Variants in PLCB4 observed in about 807,000 individuals in gnomAD.
The protein encoded by PLCB4 is 1-phosphatidylinositol 4,5-bisphosphate phosphodiesterase beta-4.
In PLCB4, 77 loss-of-function variants were observed where a neutral mutation model predicts 178.8. That is an observed-to-expected ratio of 0.43 (90% confidence interval 0.36 to 0.52). The LOEUF is 0.52. Among genes scored for constraint, PLCB4 ranks in the 20% least tolerant of loss-of-function variants. The probability of loss-of-function intolerance (pLI) is 0.00; values close to 1 mark genes in which losing one functional copy is unlikely to be tolerated. For synonymous variants in PLCB4, 496 were observed against 490.8 expected (o/e 1.01, Z -0.14); for missense variants, 1,024 against 1,453.4 (o/e 0.70, Z 4.80).
At chr20:9,407,555 G>A (rs906641871) in intron 21 of PLCB4, among the ~76,000 whole-genome samples, 4 of 152,192 alleles carry the variant, frequency 2.6e-5, no homozygotes, top group Admixed American at 1.3e-4. Context: ...ATTTTTAGTA[G>A]AGATGGGGTT....
At chr20:9,159,811 A>C (rs1010933304) in intron 2 of PLCB4, among the ~76,000 whole-genome samples, 1 of 152,200 alleles carries the variant, frequency 6.6e-6, no homozygotes, top group African/African-American at 2.4e-5. Flanking sequence ...TATTATATTT[A>C]AATATTAAAC....
At chr20:9,464,833 A>G (rs1012042413) in intron 35 of PLCB4, among the ~76,000 whole-genome samples, 2 of 152,206 alleles carry the variant, frequency 1.3e-5, no homozygotes, top group Non-Finnish European at 2.9e-5. Flanking sequence ...ACAGATTCAC[A>G]GCCGAATTCT....
At chr20:9,457,241 T>C (rs969532684) in intron 33 of PLCB4, among the ~76,000 whole-genome samples, 173 bp from the exon 34 acceptor site, 1 of 152,206 alleles carries the variant, frequency 6.6e-6, no homozygotes, top group African/African-American at 2.4e-5. Flanking sequence ...ATGAAACAGA[T>C]AATATTTTGT....
chr20:9,195,477 G>A (rs1268199074), intron 2 of PLCB4, among the ~76,000 whole-genome samples: 2 of 152,236 alleles, frequency 1.3e-5, no homozygotes, highest in Admixed American at 1.3e-4. Flanking sequence ...AGAAAACAGT[G>A]TCTTCACCAG....
intron 2 of PLCB4, among the ~76,000 whole-genome samples, chr20:9,100,132 C>G (rs1002773696): frequency 3.9e-5 from 6 of 152,138 alleles, no homozygotes; most frequent in African/African-American, 1.2e-4. Context: ...CTTAGAGAGG[C>G]AATGGTTTGG....
intron 27 of PLCB4, 21 bp downstream of exon 27, chr20:9,421,482 C>T (rs775424654): frequency 6.3e-7 from 1 of 1,599,826 alleles, no homozygotes. Context: ...TTCAGCACGT[C>T]AAACTTACTC....
intron 3 of PLCB4, among the ~76,000 whole-genome samples, chr20:9,251,281 C>T (rs959692272): frequency 2.0e-5 from 3 of 152,188 alleles, no homozygotes; most frequent in Non-Finnish European, 4.4e-5. Flanking sequence ...CTCATATCGG[C>T]TGCATAGATG....
Position 9,401,598 on chromosome 20 carries a change from T to G in PLCB4, c.1611+8T>G. 1 of 1,574,318 alleles carries G rather than the reference T, an allele frequency of 6.4e-7. No homozygotes were observed. The highest frequency in any genetic ancestry group is 8.7e-7 in the Non-Finnish European group (1 of 1,144,388). On this transcript the variant is annotated splice_region_variant and intron_variant, in intron 20 of 39. Transcript: ENST00000378473. ...GCAAATAGCGTCAAGAAGGTCAGAG[T>G]CCCCTTTCTTTCATCACTCTCAAGA...
At chr20:9,279,852 AT>A (rs1470355921) in intron 3 of PLCB4, among the ~76,000 whole-genome samples, 4 of 152,026 alleles carry the variant, frequency 2.6e-5, no homozygotes, top group Admixed American at 2.0e-4. Context: ...CTGCCTTTTC[AT>A]TTAAAATAAT....
At chr20:9,421,810 T>C (rs1171066114) in intron 27 of PLCB4, among the ~76,000 whole-genome samples, 2 of 152,184 alleles carry the variant, frequency 1.3e-5, no homozygotes, top group Non-Finnish European at 2.9e-5. Context: ...TTTAGCCAAG[T>C]AGTCAGGTAA....
intron 20 of PLCB4, among the ~76,000 whole-genome samples, chr20:9,403,710 C>T (rs2039218812): frequency 6.6e-6 from 1 of 152,214 alleles, no homozygotes; most frequent in African/African-American, 2.4e-5. Context: ...CTTTGATTGG[C>T]TGAAACTCAG....
chr20:9,166,986 C>T (rs1341203349), intron 2 of PLCB4, among the ~76,000 whole-genome samples: 1 of 152,024 alleles, frequency 6.6e-6, no homozygotes, highest in Non-Finnish European at 1.5e-5. Flanking sequence ...GTATATTAGA[C>T]ACTGTGATTT....
intron 7 of PLCB4, among the ~76,000 whole-genome samples, chr20:9,356,128 A>G (rs1213330140): frequency 6.6e-6 from 1 of 152,120 alleles, no homozygotes; most frequent in Non-Finnish European, 1.5e-5. Flanking sequence ...TCCTTTGCCC[A>G]CTTTTTGATG....
At chr20:9,310,077 A>G (rs1162829122) in intron 4 of PLCB4, among the ~76,000 whole-genome samples, 1 of 152,248 alleles carries the variant, frequency 6.6e-6, no homozygotes, top group Non-Finnish European at 1.5e-5. Context: ...AAGCTGAAGA[A>G]TATTTCAAGC....
chr20:9,084,069 A>G (rs1487018169), intron 1 of PLCB4, among the ~76,000 whole-genome samples: 1 of 152,248 alleles, frequency 6.6e-6, no homozygotes, highest in Non-Finnish European at 1.5e-5. Flanking sequence ...TTGGCATTTG[A>G]ACACATGTTC....
At position 9,339,055 on chromosome 20, in the gene PLCB4, G is replaced by A. The variant is rs766379390; in HGVS notation, c.369+18G>A. The A allele has an allele frequency of 1.3e-6, 2 of 1,599,872 alleles. No individual in the cohort carries two copies. Among genetic ancestry groups the A allele is most frequent in the East Asian group, 2.2e-5 (1 of 44,554 alleles). On this transcript the variant is annotated intron_variant, in intron 7 of 39. Coordinates refer to ENST00000378473, the MANE Select transcript of PLCB4 (RefSeq NM_001377142.1). ...TAACTAAGGTAGCTTCAGTTAAATG[G>A]CCTCCTTCTCTTCCCCACCATGTAT...
chr20:9,190,971 G>C (rs1173515362), intron 2 of PLCB4, among the ~76,000 whole-genome samples: 2 of 152,080 alleles, frequency 1.3e-5, no homozygotes. Flanking sequence ...AAGTGATTTT[G>C]TATGGTTTAG....
intron 7 of PLCB4, among the ~76,000 whole-genome samples, chr20:9,344,674 G>A (rs1273614335): frequency 6.6e-6 from 1 of 152,190 alleles, no homozygotes; most frequent in East Asian, 1.9e-4. Context: ...TTCAATGATA[G>A]TCTAAAGGAA....
At chr20:9,152,126 CTTTCAGTTT>C (rs2092702152) in intron 2 of PLCB4, among the ~76,000 whole-genome samples, 1 of 152,062 alleles carries the variant, frequency 6.6e-6, no homozygotes, top group Non-Finnish European at 1.5e-5. Flanking sequence ...CTGTTAAAGG[CTTTCAGTTT>C]TATAAGGGAA....
Sources: allele counts gnomAD v4.1 joint callset (sites outside exome capture counted in the v4.1 genomes callset), GRCh38; gene constraint gnomAD v4.1.1; transcripts MANE v1.5; gene names NCBI Gene and HGNC (gene_info 2026-07-23, HGNC 2026-07-21).